ZNF143: variants seen among roughly 807,000 people sequenced by gnomAD.
The protein encoded by ZNF143 is SPH-binding factor.
A neutral mutation model predicts 74.1 loss-of-function variants in ZNF143; 49 were observed. The observed-to-expected ratio is 0.66, with a 90% confidence interval of 0.53 to 0.84. The LOEUF (loss-of-function observed/expected upper bound fraction) is 0.84. ZNF143 is among the 40% of genes least tolerant of loss of function. The pLI is 0.00. For missense variants in ZNF143, 637 were observed against 793.4 expected, an observed-to-expected ratio of 0.80 and a Z score of 2.37; for synonymous variants, 304 against 282.8, an observed-to-expected ratio of 1.07 and a Z score of -0.75.
At chr11:9,491,360 G>T (rs978990401) in intron 7 of ZNF143, among the ~76,000 whole-genome samples, 23 of 151,618 alleles carry the variant, frequency 1.5e-4, no homozygotes, top group African/African-American at 5.3e-4. Flanking sequence ...GTGTCGGCTG[G>T]GCGCGGTGGC....
At chr11:9,485,985 T>C (rs1456603074) in intron 7 of ZNF143, among the ~76,000 whole-genome samples, 1 of 151,320 alleles carries the variant, frequency 6.6e-6, no homozygotes, top group Non-Finnish European at 1.5e-5. Context: ...TCCACTGGAC[T>C]ACAGCATCCT....
intron 7 of ZNF143, among the ~76,000 whole-genome samples, chr11:9,486,386 TAATATATATA>T (rs1459930120): frequency 4.1e-5 from 1 of 24,604 alleles, no homozygotes; most frequent in South Asian, 8.5e-4. Context: ...ATTATATATA[TAATATATATA>T]ATATATTATA....
intron 3 of ZNF143, among the ~76,000 whole-genome samples, chr11:9,473,496 TCTATGGAAACCTA>T (rs1480982188): frequency 2.0e-5 from 3 of 152,332 alleles, no homozygotes; most frequent in East Asian, 1.9e-4. Flanking sequence ...ACTCTTTGTT[TCTATGGAAACCTA>T]CTGAGCACAT....
chr11:9,470,783 C>G (rs1417159735), intron 1 of ZNF143, among the ~76,000 whole-genome samples: 1 of 152,016 alleles, frequency 6.6e-6, no homozygotes. Flanking sequence ...ACACTGACCG[C>G]TGTGTCAAAA....
intron 11 of ZNF143, 36 bp downstream of exon 11, chr11:9,501,306 A>C: frequency 6.2e-7 from 1 of 1,605,204 alleles, no homozygotes; most frequent in Non-Finnish European, 8.5e-7. Context: ...TTTATCTTTC[A>C]AGGCTCAGTT....
At chr11:9,494,554 G>A (rs1165719445) in intron 7 of ZNF143, 92 bp from the exon 8 acceptor site, 21 of 1,312,336 alleles carry the variant, frequency 1.6e-5, no homozygotes, top group Admixed American at 8.6e-5. Flanking sequence ...CAAATGATCC[G>A]CCTACCTCTG....
chr11:9,494,425 G>A (rs967345612), intron 7 of ZNF143, among the ~76,000 whole-genome samples: 10 of 152,084 alleles, frequency 6.6e-5, no homozygotes, highest in African/African-American at 2.2e-4. Flanking sequence ...TCCCATCTCA[G>A]CTTCCCAAGT....
chr11:9,467,048 C>T (rs968617907), intron 1 of ZNF143, among the ~76,000 whole-genome samples: 11 of 151,310 alleles, frequency 7.3e-5, no homozygotes, highest in Non-Finnish European at 1.2e-4. Flanking sequence ...TGCATGCCAC[C>T]GCCTGGTTAA....
At chr11:9,508,047 TTAAAG>T (rs1280285493) in intron 11 of ZNF143, among the ~76,000 whole-genome samples, 5 of 152,318 alleles carry the variant, frequency 3.3e-5, no homozygotes, top group African/African-American at 1.2e-4. Context: ...GGGACAAAAA[TTAAAG>T]TATTTACTTC....
At chr11:9,513,229 GT>G (rs1250144728) in intron 13 of ZNF143, among the ~76,000 whole-genome samples, 3 of 152,136 alleles carry the variant, frequency 2.0e-5, no homozygotes, top group African/African-American at 7.2e-5. Context: ...TTACCCTTCT[GT>G]GTCTTCCTCT....
At chr11:9,461,166 G>C (rs1434540402) in intron 1 of ZNF143, 90 bp downstream of exon 1, 3 of 821,650 alleles carry the variant, frequency 3.7e-6, no homozygotes, top group East Asian at 1.2e-4. Context: ...GCTTGGGCCC[G>C]GGCTCCGGCT....
intron 14 of ZNF143, among the ~76,000 whole-genome samples, chr11:9,523,983 G>A (rs371222327): frequency 1.8e-4 from 27 of 146,302 alleles, no homozygotes; most frequent in Non-Finnish European, 3.6e-4. Context: ...GGGAGGCAGA[G>A]TTTGCAGTGA....
intron 7 of ZNF143, among the ~76,000 whole-genome samples, chr11:9,481,885 CAA>C (rs572870014): frequency 0.024 from 2,638 of 111,284 alleles, 74 homozygotes; most frequent in African/African-American, 0.082. Flanking sequence ...GAGACTGTCT[CAA>C]AAAAAAAAAA....
At chr11:9,475,839 G>T (rs1856844258) in intron 5 of ZNF143, among the ~76,000 whole-genome samples, 2 of 152,036 alleles carry the variant, frequency 1.3e-5, no homozygotes, top group South Asian at 2.1e-4. Context: ...AGAGGTTGCA[G>T]TGTAGTTGAG....
chr11:9,481,958 A>T lies in ZNF143; in HGVS notation c.645+2412A>T, dbSNP rs538740591. ...AGAACTGCTGAGGCAAAATGTCATT[A>T]AAAAAACCCATTACTCTTTTTTTTT... On this transcript the variant is annotated intron_variant, in intron 7 of 15. Transcript: ENST00000396602. Among the ~76,000 whole-genome samples the T allele has an allele frequency of 2.4e-4, 32 of 132,590 alleles. No homozygotes were observed. In the South Asian group the frequency reaches 3.2e-3, roughly 13 times the overall value. The allele number at this position is 132,590 out of a possible 152,430, so 87.0% of individuals were successfully genotyped here.
chr11:9,484,243 G>C (rs2133957546), intron 7 of ZNF143, among the ~76,000 whole-genome samples: 1 of 151,278 alleles, frequency 6.6e-6, no homozygotes, highest in African/African-American at 2.5e-5. Context: ...GCCCAGGCTG[G>C]AGTGCAGTGG....
chr11:9,518,447 T>C (rs912214686), intron 14 of ZNF143, among the ~76,000 whole-genome samples: 3 of 152,210 alleles, frequency 2.0e-5, no homozygotes, highest in Non-Finnish European at 4.4e-5. Context: ...GTGCGGTGGC[T>C]CACGCCTGTA....
At chr11:9,513,233 C>T (rs531572869) in intron 13 of ZNF143, among the ~76,000 whole-genome samples, 2 of 152,306 alleles carry the variant, frequency 1.3e-5, no homozygotes, top group Non-Finnish European at 2.9e-5. Flanking sequence ...CCTTCTGTGT[C>T]TTCCTCTTTC....
intron 14 of ZNF143, among the ~76,000 whole-genome samples, chr11:9,524,673 C>T (rs1183165289): frequency 6.6e-6 from 1 of 152,012 alleles, no homozygotes; most frequent in African/African-American, 2.4e-5. Flanking sequence ...GCCACAAAAG[C>T]CCTTTTAATC....
Sources: gnomAD v4.1 joint callset for allele counts (sites outside exome capture counted in the v4.1 genomes callset) on GRCh38, gnomAD v4.1.1 for gene constraint, MANE v1.5 for transcripts, NCBI Gene and HGNC (gene_info 2026-07-23, HGNC 2026-07-21) for gene names.